TUBA4B: variants seen among roughly 807,000 people sequenced by gnomAD.
The protein encoded by TUBA4B is tubulin alpha 4b, also known as tubulin-like protein alpha-4B.
In TUBA4B, 13 loss-of-function variants were observed where a neutral mutation model predicts 18.4. The observed-to-expected ratio is 0.71, with a 90% CI of 0.46 to 1.12. The LOEUF is 1.12. Among genes scored for constraint, TUBA4B ranks in the 50% most tolerant of loss-of-function variants. The pLI, the probability that TUBA4B is intolerant of heterozygous loss-of-function variation, is 0.00. For missense variants in TUBA4B, 244 were observed against 250.0 expected (o/e 0.98, Z 0.16); for synonymous variants, 101 against 99.1 (o/e 1.02, Z -0.11).
intron 2 of TUBA4B, among the ~76,000 whole-genome samples, chr2:219,268,105 C>CTTTTTTT (rs544596055): frequency 4.2e-5 from 5 of 118,728 alleles, no homozygotes; most frequent in African/African-American, 1.0e-4. Flanking sequence ...AACTCATTAT[C>CTTTTTTT]TTTTTTTTTT....
chr2:219,264,770 C>A (rs1028628722), intron 1 of TUBA4B, among the ~76,000 whole-genome samples: 1 of 152,076 alleles, frequency 6.6e-6, no homozygotes, highest in Non-Finnish European at 1.5e-5. Context: ...TTTTCTGGAA[C>A]CTTCTCTTTA....
intron 2 of TUBA4B, among the ~76,000 whole-genome samples, chr2:219,268,315 G>A (rs1242975656): frequency 5.9e-5 from 9 of 151,738 alleles, no homozygotes; most frequent in Admixed American, 4.6e-4. Context: ...GGATGGTCTC[G>A]AGCTCCTGAC....
chr2:219,271,266 T>G lies in TUBA4B; in HGVS notation c.293T>G (p.Val98Gly). The change falls in exon 4 of 4, where the codon GTT becomes GGT. Residue 98 changes from valine to glycine, a missense_variant. Coordinates refer to ENST00000490341, the MANE Select transcript of TUBA4B (RefSeq NM_001355221.1). ...TCATTCCTGATGGAGTGGCTTTCTG[T>G]TAACTATGGCAAGAAATCCAAGCTG... ...VTSFLMEWLS[V>G]NYGKKSKLGF... The G allele has an allele frequency of 6.9e-7, 1 of 1,456,278 alleles. No individual in the cohort carries two copies. The highest frequency in any genetic ancestry group is 9.6e-7 in the Non-Finnish European group (1 of 1,036,300). The allele number at this position is 1,456,278 out of a possible 1,614,324, so 90.2% of individuals were successfully genotyped here.
chr2:219,258,835 C>T (rs971649111), intron 1 of TUBA4B, among the ~76,000 whole-genome samples: 5 of 152,128 alleles, frequency 3.3e-5, no homozygotes, highest in African/African-American at 1.2e-4. Context: ...CTGTGTCTCC[C>T]TGACACAGAA....
intron 3 of TUBA4B, among the ~76,000 whole-genome samples, chr2:219,270,566 G>A (rs1185240057): frequency 6.6e-6 from 1 of 152,156 alleles, no homozygotes; most frequent in East Asian, 1.9e-4. Context: ...TAGGCAGGGT[G>A]TCCATTAAGG....
chr2:219,254,141 T>G, intron 1 of TUBA4B: 8 of 360,308 alleles, frequency 2.2e-5, no homozygotes, highest in East Asian at 4.2e-5. Flanking sequence ...TAACCATTCT[T>G]TCCTCGTTTT....
chr2:219,254,081 C>CG (rs1416769773), intron 1 of TUBA4B: 16 of 442,666 alleles, frequency 3.6e-5, no homozygotes, highest in Non-Finnish European at 4.9e-5. Context: ...CCAAGCTGCG[C>CG]GGGGGTCCCT....
At chr2:219,267,429 C>T (rs55951006) in intron 2 of TUBA4B, among the ~76,000 whole-genome samples, 14,764 of 152,194 alleles carry the variant, frequency 0.097, 854 homozygotes, top group South Asian at 0.19. Context: ...AGCAATGTAA[C>T]AACACAGGCC....
intron 1 of TUBA4B, chr2:219,253,950 C>CGGGG (rs3051654): frequency 5.9e-6 from 3 of 508,806 alleles, no homozygotes; most frequent in Non-Finnish European, 8.7e-6. Context: ...CCCTTATAGG[C>CGGGG]GGGGGGGGGG....
intron 1 of TUBA4B, among the ~76,000 whole-genome samples, chr2:219,256,910 G>A (rs1951723524): frequency 6.6e-6 from 1 of 152,098 alleles, no homozygotes; most frequent in South Asian, 2.1e-4. Context: ...AAGAGGGATA[G>A]GGGCCATGAG....
rs1553571364 is a variant in TUBA4B, at chr2:219,253,358, G to GC, written c.-50_-49insC. ...CAGACGCGGGGTGCTGAGTCACGGG[G>GC]GGGGGGTGGTTCTGTGGATAGTTGG... On this transcript the variant is annotated 5_prime_UTR_variant, in exon 1 of 4. Coordinates refer to ENST00000490341, the MANE Select transcript of TUBA4B (RefSeq NM_001355221.1). The GC allele has an allele frequency of 6.5e-7, 1 of 1,528,146 alleles. No individual in the cohort carries two copies. Among genetic ancestry groups the GC allele is most frequent in the African/African-American group, 1.4e-5 (1 of 72,356 alleles). 94.7% of individuals were successfully genotyped at this position (1,528,146 alleles called of 1,614,324 possible).
intron 1 of TUBA4B, among the ~76,000 whole-genome samples, chr2:219,264,899 G>A (rs981440934): frequency 4.6e-5 from 7 of 152,222 alleles, no homozygotes; most frequent in African/African-American, 1.4e-4. Context: ...GTGGCCATGC[G>A]TTCGAAACAT....
intron 1 of TUBA4B, among the ~76,000 whole-genome samples, chr2:219,266,048 T>C (rs1361027745): frequency 6.6e-6 from 1 of 152,222 alleles, no homozygotes; most frequent in Non-Finnish European, 1.5e-5. Context: ...GCTTGATCTC[T>C]TGGCCGAGGA....
chr2:219,264,044 T>C (rs999926817), intron 1 of TUBA4B, among the ~76,000 whole-genome samples: 1 of 152,202 alleles, frequency 6.6e-6, no homozygotes, highest in Non-Finnish European at 1.5e-5. Flanking sequence ...CAAAGATATG[T>C]TGTAGGGCCC....
chr2:219,268,599 G>T (rs1951806060), intron 2 of TUBA4B, among the ~76,000 whole-genome samples: 1 of 152,180 alleles, frequency 6.6e-6, no homozygotes, highest in Admixed American at 6.5e-5. Flanking sequence ...TGACAAAGAG[G>T]TTAAGATTTT....
At chr2:219,265,035 G>A (rs1203644058) in intron 1 of TUBA4B, among the ~76,000 whole-genome samples, 1 of 152,162 alleles carries the variant, frequency 6.6e-6, no homozygotes, top group African/African-American at 2.4e-5. Flanking sequence ...TGAAGCTAGT[G>A]GGAGGCAAGA....
At chr2:219,269,579 GAT>G (rs1951812496) in intron 2 of TUBA4B, among the ~76,000 whole-genome samples, 1 of 152,186 alleles carries the variant, frequency 6.6e-6, no homozygotes, top group Admixed American at 6.5e-5. Context: ...GTCCAGGCAT[GAT>G]ATGTTTCCCT....
rs750548106 is a variant in TUBA4B at position 219,271,741 on chromosome 2, C to T, written c.*42C>T. 7.4e-6 allele frequency: 12 copies of T among 1,611,538 alleles called. No homozygotes were observed. The highest frequency in any genetic ancestry group is 1.0e-5 in the Non-Finnish European group (12 of 1,177,586). On this transcript the variant is annotated 3_prime_UTR_variant, in exon 4 of 4. Coordinates refer to ENST00000490341, the MANE Select transcript of TUBA4B (RefSeq NM_001355221.1). ...CGGCAAGTACATGGCCTGCTGCCTG[C>T]TATACCATGGAGATGTGGTGCCCAA...
At chr2:219,265,551 C>T (rs748349094) in intron 1 of TUBA4B, among the ~76,000 whole-genome samples, 1 of 152,216 alleles carries the variant, frequency 6.6e-6, no homozygotes, top group East Asian at 1.9e-4. Context: ...GCAGGAGAAT[C>T]GCTCGAACCC....
Sources: allele counts gnomAD v4.1 joint callset (sites outside exome capture counted in the v4.1 genomes callset), GRCh38; gene constraint gnomAD v4.1.1; transcripts MANE v1.5; gene names NCBI Gene and HGNC (gene_info 2026-07-23, HGNC 2026-07-21).